Variants in REV3L observed in about 807,000 individuals in gnomAD.
REV3L encodes the protein REV3 like, DNA directed polymerase zeta catalytic subunit, also known as DNA polymerase zeta catalytic subunit.
Under a neutral mutation model 299.4 loss-of-function variants are expected in REV3L, and 69 were observed. The ratio of observed to expected loss-of-function variants is 0.23; its 90% CI spans 0.19 to 0.28. The LOEUF is 0.28. REV3L is among the 10% of genes least tolerant of loss of function. The probability of loss-of-function intolerance (pLI) is 1.00; values close to 1 mark genes in which losing one functional copy is unlikely to be tolerated. For missense variants in REV3L, 3,128 were observed against 3,693.8 expected (o/e 0.85, Z 3.97); for synonymous variants, 1,238 against 1,271.4 (o/e 0.97, Z 0.56).
chr6:111,319,617 T>C (rs557197689), intron 26 of REV3L, among the ~76,000 whole-genome samples: 2 of 152,336 alleles, frequency 1.3e-5, no homozygotes, highest in African/African-American at 2.4e-5. Flanking sequence ...CAGTCAACGA[T>C]AACTTATTGT....
Position 111,376,296 on chromosome 6 carries a change from C to G in REV3L, c.2059G>C (p.Asp687His), listed in dbSNP as rs1318449097. 6.2e-7 allele frequency: 1 copy of G among 1,613,516 alleles called. No homozygotes were observed. ...KYTNIRKIEK[D>H]SPFIHMHRHP... The stretch of plus-strand genomic sequence containing the variant: ...CGGTGCATATGTATAAAAGGGGAAT[C>G]CTTTTCGATTTTTCTAATGTTTGTA... The change falls in exon 13 of 32, where the codon GAT (aspartate) becomes CAT (histidine). Residue 687 changes from aspartate (D) to histidine (H), a missense_variant. Transcript: ENST00000368802.
intron 1 of REV3L, among the ~76,000 whole-genome samples, chr6:111,424,249 G>A (rs144209675): frequency 2.4e-4 from 36 of 152,290 alleles, no homozygotes; most frequent in Non-Finnish European, 5.0e-4. Flanking sequence ...AGTGTTCCAA[G>A]GATCCAGTGG....
chr6:111,386,205 A>T (rs937711902), intron 9 of REV3L, among the ~76,000 whole-genome samples: 1 of 152,248 alleles, frequency 6.6e-6, no homozygotes, highest in African/African-American at 2.4e-5. Context: ...AGACAGATGT[A>T]GCACTAAGTG....
Position 111,309,987 on chromosome 6 carries a change from C to A in REV3L, c.8908G>T (p.Val2970Leu), listed in dbSNP as rs773739805. 6.2e-7 allele frequency: 1 copy of A among 1,613,920 alleles called. No homozygotes were observed. The highest frequency in any genetic ancestry group is 1.3e-5 in the African/African-American group (1 of 75,016). The change falls in exon 30 of 32, where the codon GTG becomes TTG. Residue 2970 changes from valine (V) to leucine (L), a missense_variant. Coordinates refer to ENST00000368802, the MANE Select transcript of REV3L (RefSeq NM_001372078.1). ...AGAGTTGGGTCCTGCAGGACTTCCA[C>A]TGGGCGCCTTACAAGCTGGATAAGT... The part of the protein sequence containing the change: ...VPLIQLVRRP[V>L]EVLQDPTLRL...
intron 16 of REV3L, chr6:111,361,349 A>T (rs1289065002): frequency 6.7e-6 from 1 of 150,046 alleles, no homozygotes; most frequent in East Asian, 2.0e-4. Context: ...GTGCCATTGC[A>T]TTCCAGCCTG....
At chr6:111,461,171 T>C (rs1211303537) in intron 1 of REV3L, among the ~76,000 whole-genome samples, 1 of 152,116 alleles carries the variant, frequency 6.6e-6, no homozygotes, top group Non-Finnish European at 1.5e-5. Context: ...ACTGTTATCA[T>C]AGGAGATGGC....
In REV3L at chr6:111,375,288, A is replaced by G. The variant is rs1417779496; in HGVS notation, c.3067T>C (p.Phe1023Leu). 6.2e-7 allele frequency: 1 copy of G among 1,603,540 alleles called. No individual in the cohort carries two copies. The highest frequency in any genetic ancestry group is 1.3e-5 in the African/African-American group (1 of 74,102). The change falls in exon 13 of 32, where the codon TTT becomes CTT. Residue 1023 changes from phenylalanine (F) to leucine (L), a missense_variant. By Grantham distance (22) the Phe-to-Leu change is conservative. This residue lies in a region of REV3L where 2,409 missense variants were observed against 2,611.8 expected (regional missense o/e 0.92). Coordinates refer to ENST00000368802, the MANE Select transcript of REV3L (RefSeq NM_001372078.1). ...LYKKLAPLKD[F>L]WPKVPDSPAT... ...GGGGAGTCGGGAACTTTTGGCCAAA[A>G]GTCCTTCAAAGGTGCAAGCTTTTTA...
chr6:111,445,517 T>C (rs1788739163), intron 1 of REV3L, among the ~76,000 whole-genome samples: 1 of 152,196 alleles, frequency 6.6e-6, no homozygotes, highest in Non-Finnish European at 1.5e-5. Context: ...TTATTCTAAA[T>C]AAATTAGGGG....
intron 1 of REV3L, among the ~76,000 whole-genome samples, chr6:111,450,500 A>AC (rs1180172346): frequency 6.6e-6 from 1 of 150,476 alleles, no homozygotes. Flanking sequence ...AAAAAAAAAA[A>AC]AAAAAACCAA....
chr6:111,451,709 C>T (rs1789564469), intron 1 of REV3L, among the ~76,000 whole-genome samples: 1 of 152,014 alleles, frequency 6.6e-6, no homozygotes, highest in South Asian at 2.1e-4. Context: ...CTAAAAAGTA[C>T]CACCTAATGA....
chr6:111,444,204 A>G (rs1178884998), intron 1 of REV3L, among the ~76,000 whole-genome samples: 1 of 152,238 alleles, frequency 6.6e-6, no homozygotes, highest in Non-Finnish European at 1.5e-5. Flanking sequence ...CTGATTGCCC[A>G]TTGCATAGTG....
intron 13 of REV3L, among the ~76,000 whole-genome samples, chr6:111,369,281 C>CAAAAAAAAAAAAA: frequency 1.5e-5 from 1 of 68,140 alleles, no homozygotes; most frequent in African/African-American, 6.6e-5. Context: ...GACTCTGTCT[C>CAAAAAAAAAAAAA]AAAAAAAAAA....
chr6:111,309,570 A>T (rs1229726043), intron 30 of REV3L: 4 of 255,662 alleles, frequency 1.6e-5, no homozygotes, highest in Non-Finnish European at 3.0e-5. Flanking sequence ...TAGGCCCAGG[A>T]TTGGGGCATG....
intron 1 of REV3L, chr6:111,431,429 T>A (rs1374559783): frequency 3.9e-6 from 4 of 1,023,354 alleles, no homozygotes; most frequent in Admixed American, 3.4e-5. Context: ...AAGTTTTTGA[T>A]TCTGAGGAAG....
Position 111,374,384 on chromosome 6 carries a change from C to G in REV3L, c.3971G>C (p.Cys1324Ser). ...TGAGACTCCAGGTCCTATAGAATTACAAACAACTGATGGATGCAAATCATC... is the reference window on the plus strand; with the variant it reads ...TGAGACTCCAGGTCCTATAGAATTAGAAACAACTGATGGATGCAAATCATC... ...SRDDLHPSVV[C>S]NSIGPGVSKI... Residue 1324 changes from cysteine (C) to serine (S), a missense_variant, in exon 13 of 32, where the codon TGT becomes TCT. By Grantham distance (112) the Cys-to-Ser change is moderately radical. Transcript: ENST00000368802. The G allele has an allele frequency of 1.9e-6, 3 of 1,613,984 alleles. No homozygotes were observed. Among genetic ancestry groups the G allele is most frequent in the Non-Finnish European group, 2.5e-6 (3 of 1,179,906 alleles).
At chr6:111,481,342 T>C (rs147332812) in intron 1 of REV3L, among the ~76,000 whole-genome samples, 195 of 152,324 alleles carry the variant, frequency 1.3e-3, no homozygotes, top group African/African-American at 4.4e-3. Flanking sequence ...ACCTATCTTA[T>C]AGAACACTTC....
In REV3L at chr6:111,363,895, T is replaced by C; in HGVS notation, c.6837A>G (p.Lys2279=). Reference sequence around the variant, plus strand: ...CCTCCTGTAAGTTTTGTATGCTGACTTTGAAACCGTAAGTATTGTTTAAAG... The same window carrying C: ...CCTCCTGTAAGTTTTGTATGCTGACCTTGAAACCGTAAGTATTGTTTAAAG... ...GPSLNNTYGF[K]VSIQNLQEAK... Residue 2279 remains lysine, a synonymous_variant, in exon 16 of 32, where the codon AAA becomes AAG. Coordinates refer to ENST00000368802, the MANE Select transcript of REV3L (RefSeq NM_001372078.1). 6.2e-7 allele frequency: 1 copy of C among 1,613,594 alleles called. No homozygotes were observed. Among genetic ancestry groups the C allele is most frequent in the Non-Finnish European group, 8.5e-7 (1 of 1,179,732 alleles).
intron 26 of REV3L, among the ~76,000 whole-genome samples, chr6:111,320,465 A>G (rs1774034099): frequency 6.6e-6 from 1 of 152,216 alleles, no homozygotes; most frequent in Admixed American, 6.5e-5. Context: ...AAAAAACACA[A>G]ATTTAAATTA....
At chr6:111,362,472 G>A (rs944586084) in intron 16 of REV3L, among the ~76,000 whole-genome samples, 1 of 151,990 alleles carries the variant, frequency 6.6e-6, no homozygotes, top group Non-Finnish European at 1.5e-5. Flanking sequence ...AAGACATAAA[G>A]TGACTGTATA....
Sources: allele counts gnomAD v4.1 joint callset (sites outside exome capture counted in the v4.1 genomes callset), GRCh38; gene constraint gnomAD v4.1.1; regional missense constraint gnomAD v4.1.1; transcripts MANE v1.5; gene names NCBI Gene and HGNC (gene_info 2026-07-23, HGNC 2026-07-21).